The following FER variants were observed in gnomAD, a reference collection of about 807,000 sequenced individuals.
The protein encoded by FER is FER tyrosine kinase.
Under a neutral mutation model 111.0 loss-of-function variants are expected in FER, and 63 were observed. The ratio of observed to expected loss-of-function variants is 0.57; its 90% confidence interval spans 0.46 to 0.70. FER has a LOEUF of 0.70. Among genes scored for constraint, FER ranks in the 30% least tolerant of loss-of-function variants. The pLI is 0.00. For missense variants in FER, 914 were observed against 954.0 expected, an observed-to-expected ratio of 0.96 and a Z score of 0.55; for synonymous variants, 327 against 313.9, an observed-to-expected ratio of 1.04 and a Z score of -0.44.
chr5:109,064,376 T>G (rs1774826948), intron 16 of FER, among the ~76,000 whole-genome samples: 1 of 152,140 alleles, frequency 6.6e-6, no homozygotes, highest in Non-Finnish European at 1.5e-5. Context: ...GAGGTTGAGC[T>G]AAATGATAAA....
At chr5:108,935,380 T>G (rs1477828995) in intron 10 of FER, among the ~76,000 whole-genome samples, 1 of 152,076 alleles carries the variant, frequency 6.6e-6, no homozygotes, top group Non-Finnish European at 1.5e-5. Context: ...TGTTTCTTCC[T>G]CTTCTAAGTC....
At chr5:108,802,141 C>T (rs1290791449) in intron 3 of FER, among the ~76,000 whole-genome samples, 1 of 151,888 alleles carries the variant, frequency 6.6e-6, no homozygotes, top group East Asian at 1.9e-4. Context: ...TACTACTGAA[C>T]TTATTTTTTT....
At chr5:108,974,997 C>T (rs1761147467) in intron 13 of FER, among the ~76,000 whole-genome samples, 1 of 152,062 alleles carries the variant, frequency 6.6e-6, no homozygotes, top group Non-Finnish European at 1.5e-5. Flanking sequence ...GACTTGGAAC[C>T]AACCCAAATG....
Position 108,959,368 on chromosome 5 carries a change from T to G in FER, c.1656+21T>G, listed in dbSNP as rs768105685. ...CTAAGGTAGGTGCTTATATACTTTT[T>G]TGTCTGTTTGTTTTAAAAGAATTTT... is the stretch of plus-strand genomic sequence containing the variant. On this transcript the variant is annotated intron_variant, in intron 13 of 19. Transcript: ENST00000281092. 2.6e-6 allele frequency: 4 copies of G among 1,568,188 alleles called. No individual in the cohort carries two copies. In the East Asian group the frequency reaches 9.2e-5, roughly 36 times the overall value.
chr5:108,827,170 A>G (rs1386522676), intron 3 of FER, among the ~76,000 whole-genome samples: 1 of 152,180 alleles, frequency 6.6e-6, no homozygotes, highest in African/African-American at 2.4e-5. Context: ...TGGAACTTAC[A>G]TGATGTAGTT....
chr5:108,773,198 T>G (rs188263432), intron 2 of FER, among the ~76,000 whole-genome samples: 2 of 152,268 alleles, frequency 1.3e-5, no homozygotes, highest in African/African-American at 2.4e-5. Context: ...TTTTTATTAT[T>G]TTAAGCTCAG....
At chr5:108,851,052 T>C (rs567554082) in intron 5 of FER, among the ~76,000 whole-genome samples, 187 of 152,334 alleles carry the variant, frequency 1.2e-3, no homozygotes, top group African/African-American at 3.9e-3. Flanking sequence ...TTCTGAGAGT[T>C]ATATGAGTTT....
At chr5:108,975,810 T>C in intron 13 of FER, among the ~76,000 whole-genome samples, 1 of 152,196 alleles carries the variant, frequency 6.6e-6, no homozygotes, top group South Asian at 2.1e-4. Flanking sequence ...TCACTAAGAC[T>C]TGGCAAAGAA....
At chr5:109,134,161 G>C (rs1417719392) in intron 17 of FER, among the ~76,000 whole-genome samples, 1 of 151,958 alleles carries the variant, frequency 6.6e-6, no homozygotes, top group Non-Finnish European at 1.5e-5. Context: ...AAAAGTAAAT[G>C]AATATTAAAA....
At chr5:109,160,602 C>T (rs1397188722) in intron 17 of FER, among the ~76,000 whole-genome samples, 1 of 152,118 alleles carries the variant, frequency 6.6e-6, no homozygotes, top group East Asian at 1.9e-4. Flanking sequence ...CAAGTAACCT[C>T]CTTCTTAGGT....
At chr5:108,937,349 T>C (rs138589619) in intron 10 of FER, among the ~76,000 whole-genome samples, 128 of 152,116 alleles carry the variant, frequency 8.4e-4, no homozygotes, top group African/African-American at 3.1e-3. Flanking sequence ...TTCAGTAATA[T>C]ATTGACTTTT....
At chr5:109,065,480 T>C (rs920594146) in intron 16 of FER, among the ~76,000 whole-genome samples, 6 of 152,208 alleles carry the variant, frequency 3.9e-5, no homozygotes, top group African/African-American at 4.8e-5. Flanking sequence ...AGTTAGCCTC[T>C]GTATTCAGAA....
chr5:109,141,973 T>TG (rs1334577296), intron 17 of FER, among the ~76,000 whole-genome samples: 1 of 152,320 alleles, frequency 6.6e-6, no homozygotes, highest in African/African-American at 2.4e-5. Context: ...TTGGACTTCA[T>TG]GGCCTGTTCT....
intron 14 of FER, among the ~76,000 whole-genome samples, chr5:109,040,323 T>C (rs556559742): frequency 6.6e-6 from 1 of 152,126 alleles, no homozygotes; most frequent in Middle Eastern, 3.4e-3. Context: ...GGATCAAGGA[T>C]TGAGCCTTGC....
chr5:108,961,454 T>C (rs75325789), intron 13 of FER, among the ~76,000 whole-genome samples: 7,083 of 152,138 alleles, frequency 0.047, 262 homozygotes, highest in South Asian at 0.11. Flanking sequence ...ACATGGTTAA[T>C]TATTGTTTTT....
chr5:108,857,019 C>A (rs1398377211), intron 5 of FER, among the ~76,000 whole-genome samples: 1 of 152,060 alleles, frequency 6.6e-6, no homozygotes, highest in Non-Finnish European at 1.5e-5. Context: ...ATTTTAACGT[C>A]ATTTCAGTCC....
Position 109,188,599 on chromosome 5 carries a change from T to TAAAC in FER, c.*1026_*1029dup, listed in dbSNP as rs1759135946. The TAAAC allele has an allele frequency of 6.6e-6, 1 of 152,072 alleles. No homozygotes were observed. Among genetic ancestry groups the TAAAC allele is most frequent in the African/African-American group, 2.4e-5 (1 of 41,396 alleles). The allele number at this position is 152,072 out of a possible 1,614,324, so 9.4% of individuals were successfully genotyped here. A position where few individuals can be genotyped will look rare whatever the true frequency, so the allele number is the denominator to read the frequency against. ...CCACCTTATCAGAGTTATGCCTTTC[T>TAAAC]AAACATCTAAACAAACAAACATTCA... On this transcript the variant is annotated 3_prime_UTR_variant, in exon 20 of 20. Coordinates refer to ENST00000281092, the MANE Select transcript of FER (RefSeq NM_005246.4).
intron 10 of FER, among the ~76,000 whole-genome samples, chr5:108,943,169 A>G (rs557080548): frequency 1.4e-4 from 22 of 152,274 alleles, no homozygotes; most frequent in African/African-American, 4.6e-4. Flanking sequence ...TAACTGCTCC[A>G]AGGAAAGTAC....
intron 16 of FER, among the ~76,000 whole-genome samples, chr5:109,048,901 TC>T (rs1261572081): frequency 6.6e-6 from 1 of 152,204 alleles, no homozygotes; most frequent in African/African-American, 2.4e-5. Context: ...TCTATACAAT[TC>T]TACTTTTTTT....
Sources: gnomAD v4.1 joint callset for allele counts (sites outside exome capture counted in the v4.1 genomes callset) on GRCh38, gnomAD v4.1.1 for gene constraint, MANE v1.5 for transcripts, NCBI Gene and HGNC (gene_info 2026-07-23, HGNC 2026-07-21) for gene names.